Variants in RTTN observed in about 807,000 individuals in gnomAD.
RTTN encodes rotatin.
Under a neutral mutation model 269.2 loss-of-function variants are expected in RTTN, and 182 were observed. The observed-to-expected ratio is 0.68, with a 90% CI of 0.60 to 0.76. The LOEUF (loss-of-function observed/expected upper bound fraction) is 0.76. RTTN is among the 30% of genes least tolerant of loss of function. RTTN has a pLI of 0.00. For synonymous variants in RTTN, 1,006 were observed against 963.5 expected (o/e 1.04, Z -0.82); for missense variants, 2,545 against 2,608.6 (o/e 0.98, Z 0.53).
In RTTN at chr18:70,204,232, A is replaced by C. The variant is rs1462139252; in HGVS notation, c.251T>G (p.Val84Gly). 1 of 1,612,370 alleles carries C rather than the reference A, an allele frequency of 6.2e-7. No individual in the cohort carries two copies. The highest frequency in any genetic ancestry group is 1.3e-5 in the African/African-American group (1 of 74,854). Residue 84 changes from valine to glycine, a missense_variant, in exon 3 of 49, where the codon GTT (valine) becomes GGT (glycine). Coordinates refer to ENST00000640769, the MANE Select transcript of RTTN (RefSeq NM_173630.4). ...YPPAVQHLVD[V>G]GAVEFLSKLR... ...CTTAGATAAGAACTCTACTGCACCAACGTCAACCAAATGTTGGACTGCTGG... is the reference window on the plus strand; with the variant it reads ...CTTAGATAAGAACTCTACTGCACCACCGTCAACCAAATGTTGGACTGCTGG...
intron 40 of RTTN, among the ~76,000 whole-genome samples, chr18:70,045,860 A>G (rs897918135): frequency 6.6e-5 from 10 of 152,340 alleles, no homozygotes; most frequent in Admixed American, 2.0e-4. Flanking sequence ...GTGATTTGTA[A>G]TTTAGAGAAA....
intron 8 of RTTN, among the ~76,000 whole-genome samples, chr18:70,192,074 GATA>G (rs1299977937): frequency 6.6e-6 from 1 of 152,122 alleles, no homozygotes. Flanking sequence ...CAATGAGGAT[GATA>G]ATAATAATAC....
At chr18:70,188,920 T>C (rs1296692092) in intron 9 of RTTN, among the ~76,000 whole-genome samples, 4 of 152,142 alleles carry the variant, frequency 2.6e-5, no homozygotes, top group African/African-American at 9.7e-5. Context: ...AACTACCAGA[T>C]TGGAAGGATC....
intron 34 of RTTN, among the ~76,000 whole-genome samples, chr18:70,072,452 A>T (rs2058321428): frequency 6.6e-6 from 1 of 152,130 alleles, no homozygotes; most frequent in South Asian, 2.1e-4. Flanking sequence ...TACAATTAAT[A>T]ACATATTTCC....
chr18:70,041,372 A>G (rs2057334589), intron 40 of RTTN, among the ~76,000 whole-genome samples: 1 of 111,702 alleles, frequency 9.0e-6, no homozygotes, highest in Admixed American at 1.1e-4. Flanking sequence ...AATGACAAAA[A>G]TGGGATTGCA....
At chr18:70,161,597 T>C (rs908400778) in intron 14 of RTTN, among the ~76,000 whole-genome samples, 1 of 152,140 alleles carries the variant, frequency 6.6e-6, no homozygotes, top group African/African-American at 2.4e-5. Context: ...TTGCAAACTA[T>C]GCATGTGACA....
At chr18:70,193,176 CAAAAAAAAA>C (rs35759421) in intron 8 of RTTN, 103 bp downstream of exon 8, 22 of 660,856 alleles carry the variant, frequency 3.3e-5, no homozygotes, top group South Asian at 9.9e-5. Flanking sequence ...GTTAATGTTT[CAAAAAAAAA>C]AAAAAAAAAA....
intron 10 of RTTN, among the ~76,000 whole-genome samples, chr18:70,178,851 T>C (rs1025102101): frequency 1.3e-5 from 2 of 152,016 alleles, no homozygotes; most frequent in African/African-American, 4.8e-5. Context: ...TGTTTAACAA[T>C]AAAGACTCAA....
chr18:70,009,357 C>A (rs564261255), intron 46 of RTTN, among the ~76,000 whole-genome samples: 1 of 152,210 alleles, frequency 6.6e-6, no homozygotes, highest in Admixed American at 6.5e-5. Flanking sequence ...AGGCTGGTCT[C>A]AGACTCTGGA....
At position 70,017,403 on chromosome 18, in the gene RTTN, T is replaced by C; in HGVS notation, c.6421+4A>G. On this transcript the variant is annotated splice_donor_region_variant and intron_variant, in intron 46 of 48. Transcript: ENST00000640769. The stretch of plus-strand genomic sequence containing the variant: ...TATAAATGTATGTGTGTGTGAAAAC[T>C]TACCATTAGCCAGGATCTTGGGTTT... 1.2e-6 allele frequency: 2 copies of C among 1,613,092 alleles called. No homozygotes were observed. The highest frequency in any genetic ancestry group is 1.7e-6 in the Non-Finnish European group (2 of 1,179,424).
chr18:70,072,132 G>T (rs117731482), intron 34 of RTTN, among the ~76,000 whole-genome samples: 1,881 of 152,112 alleles, frequency 0.012, 23 homozygotes, highest in South Asian at 0.038. Context: ...CTTGGGTATG[G>T]TAAAGAAAAT....
chr18:70,114,249 A>T (rs2145490475), intron 27 of RTTN, among the ~76,000 whole-genome samples, 196 bp downstream of exon 27: 1 of 152,272 alleles, frequency 6.6e-6, no homozygotes, highest in Non-Finnish European at 1.5e-5. Context: ...GTAGTGAAAG[A>T]GACCAAGCAG....
At position 70,044,591 on chromosome 18, in the gene RTTN, T is replaced by G. The variant is rs1421189827; in HGVS notation, c.5541+3380A>C. On this transcript the variant is annotated intron_variant, in intron 40 of 48. Transcript: ENST00000640769. ...ACTACAATAAAGTTTAATTATAAATTAGGCAGGTAGGAGACTAACAATAAT... is the reference window on the plus strand; with the variant it reads ...ACTACAATAAAGTTTAATTATAAATGAGGCAGGTAGGAGACTAACAATAAT... Among the ~76,000 whole-genome samples, 4 of 152,148 alleles carry G rather than the reference T, an allele frequency of 2.6e-5. No individual in the cohort carries two copies. The East Asian group carries it at 7.7e-4, about 29-fold the overall frequency.
At chr18:70,131,926 A>T (rs2060007660) in intron 23 of RTTN, 1 of 151,840 alleles carries the variant, frequency 6.6e-6, no homozygotes, top group Non-Finnish European at 1.5e-5. Context: ...GGACAAAAAA[A>T]CTCAACTATA....
At chr18:70,064,045 A>G (rs1220043769) in intron 35 of RTTN, among the ~76,000 whole-genome samples, 4 of 150,316 alleles carry the variant, frequency 2.7e-5, no homozygotes, top group Admixed American at 6.7e-5. Context: ...CATTGAAAGC[A>G]TACTATTTGT....
chr18:70,179,099 G>T (rs963927545), intron 10 of RTTN, among the ~76,000 whole-genome samples: 16 of 152,150 alleles, frequency 1.1e-4, no homozygotes, highest in African/African-American at 3.6e-4. Context: ...ATATTTCTCT[G>T]ATCCCCAAGA....
intron 23 of RTTN, chr18:70,131,419 G>A (rs2059996016): frequency 6.6e-6 from 1 of 151,340 alleles, no homozygotes; most frequent in Non-Finnish European, 1.5e-5. Flanking sequence ...TGGAATTAAT[G>A]TGTTCTAAGG....
At chr18:70,078,038 C>A (rs2058472366) in intron 32 of RTTN, among the ~76,000 whole-genome samples, 1 of 150,460 alleles carries the variant, frequency 6.6e-6, no homozygotes, top group Non-Finnish European at 1.5e-5. Context: ...TTGTCAGAGC[C>A]AAAAAAATAT....
At chr18:70,138,195 C>T (rs1407386559) in intron 21 of RTTN, 1 of 152,214 alleles carries the variant, frequency 6.6e-6, no homozygotes, top group Non-Finnish European at 1.5e-5. Flanking sequence ...AGGAGAAATG[C>T]TTGAACCCAG....
Sources: allele counts gnomAD v4.1 joint callset (sites outside exome capture counted in the v4.1 genomes callset), GRCh38; gene constraint gnomAD v4.1.1; transcripts MANE v1.5; gene names NCBI Gene and HGNC (gene_info 2026-07-23, HGNC 2026-07-21).